Variants in RASEF observed in about 807,000 individuals in gnomAD.
RASEF encodes the protein RAS and EF-hand domain containing.
In RASEF, 68 loss-of-function variants were observed where a neutral mutation model predicts 90.1. The observed-to-expected ratio is 0.75, with a 90% CI of 0.62 to 0.92. The LOEUF is 0.92. RASEF is among the 40% of genes least tolerant of loss of function. RASEF has a pLI of 0.00. For missense variants in RASEF, 949 were observed against 937.2 expected (o/e 1.01, Z -0.16); for synonymous variants, 331 against 345.2 (o/e 0.96, Z 0.46).
the RASEF span, among the ~76,000 whole-genome samples, chr9:83,172,847 T>C: frequency 4.9e-4 from 75 of 152,092 alleles, no homozygotes; most frequent in African/African-American, 1.6e-3. Context: ...TGACTTTTAC[T>C]AGTCACTTTT....
At chr9:83,127,564 G>C in the RASEF span, among the ~76,000 whole-genome samples, 24 of 152,188 alleles carry the variant, frequency 1.6e-4, no homozygotes, top group African/African-American at 5.8e-4. Flanking sequence ...GCAAATGAAA[G>C]TGTCATGTAG....
intron 4 of RASEF, among the ~76,000 whole-genome samples, chr9:83,012,896 A>C (rs1377173614): frequency 1.3e-5 from 2 of 152,228 alleles, no homozygotes; most frequent in African/African-American, 4.8e-5. Flanking sequence ...ATTATTTAGA[A>C]ATGTCTTACC....
chr9:83,142,885 C>A, the RASEF span, among the ~76,000 whole-genome samples: 5 of 121,024 alleles, frequency 4.1e-5, no homozygotes, highest in African/African-American at 1.8e-4. Context: ...CTCCATAGAA[C>A]ACAAAAATTA....
the RASEF span, among the ~76,000 whole-genome samples, chr9:83,127,531 C>A: frequency 6.6e-6 from 1 of 151,898 alleles, no homozygotes; most frequent in Admixed American, 6.6e-5. Flanking sequence ...AACTGAGATC[C>A]CAAGTAGAAA....
rs533038973 is a variant in RASEF, at chr9:83,000,149, A to T, written c.1723+20T>A. ...TAAGGAAGGTCATTTTCCCATTATC[A>T]ACCGAAATACGAGCCATACCCAGGG... is the stretch of plus-strand genomic sequence containing the variant. On this transcript the variant is annotated intron_variant, in intron 12 of 16. Transcript: ENST00000376447. The T allele has an allele frequency of 5.0e-6, 8 of 1,606,920 alleles. No individual in the cohort carries two copies. The East Asian group carries it at 1.6e-4, about 31-fold the overall frequency.
chr9:83,087,348 T>C, the RASEF span, among the ~76,000 whole-genome samples: 1 of 150,348 alleles, frequency 6.7e-6, no homozygotes, highest in African/African-American at 2.4e-5. Context: ...ATGATGGGAG[T>C]AGTGCCTTTA....
At chr9:83,138,846 T>C in the RASEF span, among the ~76,000 whole-genome samples, 2 of 152,116 alleles carry the variant, frequency 1.3e-5, no homozygotes, top group Non-Finnish European at 2.9e-5. Context: ...ATTAGTGTCA[T>C]GAAAATGATA....
chr9:83,180,129 T>C, the RASEF span, among the ~76,000 whole-genome samples: 1 of 152,216 alleles, frequency 6.6e-6, no homozygotes, highest in African/African-American at 2.4e-5. Context: ...TAATATACCA[T>C]ATGCAGTTGT....
At chr9:83,171,118 G>A in the RASEF span, among the ~76,000 whole-genome samples, 1 of 151,672 alleles carries the variant, frequency 6.6e-6, no homozygotes, top group Non-Finnish European at 1.5e-5. Flanking sequence ...TTTTTATCAT[G>A]AAGAGATATT....
the RASEF span, among the ~76,000 whole-genome samples, chr9:83,135,306 T>C: frequency 1.3e-5 from 2 of 151,710 alleles, no homozygotes; most frequent in African/African-American, 4.8e-5. Flanking sequence ...ATGAGAACAC[T>C]TGGACACAGG....
chr9:83,206,544 C>T, the RASEF span, among the ~76,000 whole-genome samples: 1 of 152,212 alleles, frequency 6.6e-6, no homozygotes, highest in South Asian at 2.1e-4. Context: ...ACTAAGATTA[C>T]TTTTAACCAG....
the RASEF span, among the ~76,000 whole-genome samples, chr9:83,092,843 ATTAG>A: frequency 6.6e-5 from 10 of 152,040 alleles, no homozygotes; most frequent in Non-Finnish European, 1.5e-4. Flanking sequence ...TCCCCATCAG[ATTAG>A]TTAGATACAG....
At chr9:83,198,100 T>G in the RASEF span, among the ~76,000 whole-genome samples, 1 of 152,216 alleles carries the variant, frequency 6.6e-6, no homozygotes, top group Admixed American at 6.5e-5. Context: ...TGGATGATTT[T>G]ATTCACTTCA....
At chr9:83,182,643 C>T in the RASEF span, among the ~76,000 whole-genome samples, 10 of 152,100 alleles carry the variant, frequency 6.6e-5, no homozygotes, top group East Asian at 1.9e-3. Flanking sequence ...CAAATATATC[C>T]AAATTTTGGT....
chr9:83,056,611 A>G (rs1328691973), intron 1 of RASEF, among the ~76,000 whole-genome samples: 1 of 152,232 alleles, frequency 6.6e-6, no homozygotes, highest in Non-Finnish European at 1.5e-5. Context: ...TGGGCAGAAA[A>G]TAAGAAACAG....
At chr9:83,116,088 C>T in the RASEF span, among the ~76,000 whole-genome samples, 2 of 152,194 alleles carry the variant, frequency 1.3e-5, no homozygotes, top group African/African-American at 4.8e-5. Flanking sequence ...AACTCCCTGC[C>T]AAGGCTTCAT....
the RASEF span, among the ~76,000 whole-genome samples, chr9:83,182,475 A>C: frequency 6.6e-6 from 1 of 152,218 alleles, no homozygotes; most frequent in African/African-American, 2.4e-5. Flanking sequence ...TCATTCAACA[A>C]CCAAAAATTA....
At position 83,056,014 on chromosome 9, in the gene RASEF, G is replaced by A. The variant is rs75303833; in HGVS notation, c.431+6423C>T. Among the ~76,000 whole-genome samples the A allele has an allele frequency of 6.8e-3, 1,040 of 152,242 alleles. 10 individuals carry two copies. The highest frequency in any genetic ancestry group is 0.024 in the African/African-American group (1,001 of 41,532). On this transcript the variant is annotated intron_variant, in intron 1 of 16. Coordinates refer to ENST00000376447, the MANE Select transcript of RASEF (RefSeq NM_152573.4). ...TCAGGGTCAGGTGTATATATATAGTGCCTAGTGAGATGTCAAGGGCAATGT... is the reference window on the plus strand; with the variant it reads ...TCAGGGTCAGGTGTATATATATAGTACCTAGTGAGATGTCAAGGGCAATGT...
At chr9:83,019,635 T>C (rs1437888525) in intron 3 of RASEF, among the ~76,000 whole-genome samples, 1 of 152,232 alleles carries the variant, frequency 6.6e-6, no homozygotes, top group African/African-American at 2.4e-5. Flanking sequence ...TGCATATTCA[T>C]GGCACCTTAA....
Sources: allele counts gnomAD v4.1 joint callset (sites outside exome capture counted in the v4.1 genomes callset), GRCh38; gene constraint gnomAD v4.1.1; transcripts MANE v1.5; gene names NCBI Gene and HGNC (gene_info 2026-07-23, HGNC 2026-07-21).